The following SDC3 variants were observed in gnomAD, a reference collection of about 807,000 sequenced individuals.
SDC3 encodes the protein syndecan-3.
A neutral mutation model predicts 24.4 loss-of-function variants in SDC3; 13 were observed. That is an observed-to-expected ratio of 0.53 (90% CI 0.35 to 0.85). The LOEUF is 0.85. Ranked by LOEUF, SDC3 falls within the 40% of genes least tolerant of loss-of-function variation. The pLI, the probability that SDC3 is intolerant of heterozygous loss-of-function variation, is 0.01. For synonymous variants in SDC3, 295 were observed against 260.9 expected, an observed-to-expected ratio of 1.13 and a Z score of -1.26; for missense variants, 571 against 584.5, an observed-to-expected ratio of 0.98 and a Z score of 0.24.
intron 1 of SDC3, 49 bp from the exon 2 acceptor site, chr1:30,878,789 C>T (rs755674437): frequency 6.6e-7 from 1 of 1,519,632 alleles, no homozygotes; most frequent in Admixed American, 1.7e-5. Flanking sequence ...AGACTGGCAG[C>T]CTGGGTGAGC....
At chr1:30,899,573 T>C (rs1164210384) in intron 1 of SDC3, among the ~76,000 whole-genome samples, 1 of 152,084 alleles carries the variant, frequency 6.6e-6, no homozygotes, top group Admixed American at 6.5e-5. Context: ...AGTTTCACCA[T>C]CTTGGCCAGG....
At chr1:30,880,045 CAGG>C (rs1639716311) in intron 1 of SDC3, 1 of 152,586 alleles carries the variant, frequency 6.6e-6, no homozygotes. Flanking sequence ...TCACATGGGG[CAGG>C]AGGAGCTGGG....
intron 1 of SDC3, among the ~76,000 whole-genome samples, chr1:30,901,661 C>T (rs1638416227): frequency 6.6e-6 from 1 of 152,090 alleles, no homozygotes; most frequent in African/African-American, 2.4e-5. Flanking sequence ...GTACCCCCAC[C>T]CCCAGAGTTC....
At chr1:30,894,818 G>T (rs1169035383) in intron 1 of SDC3, among the ~76,000 whole-genome samples, 5 of 151,964 alleles carry the variant, frequency 3.3e-5, no homozygotes, top group Admixed American at 6.6e-5. Flanking sequence ...TGTCTGTCTA[G>T]GTGCATCCAT....
In SDC3 at chr1:30,908,730, C is replaced by A. The variant is rs966434983; in HGVS notation, c.-144G>T. On this transcript the variant is annotated 5_prime_UTR_variant, in exon 1 of 5. Transcript: ENST00000339394. ...GCTCGCGGGCTCCCGGCTCGGCCGC[C>A]CGGCTCCGCCTCGCAGCTCCGCGCC... 5.4e-6 allele frequency: 1 copy of A among 184,430 alleles called. No individual in the cohort carries two copies. Among genetic ancestry groups the A allele is most frequent in the South Asian group, 1.7e-4 (1 of 5,742 alleles). 11.4% of individuals were successfully genotyped at this position (184,430 alleles called of 1,614,324 possible).
upstream of SDC3, among the ~76,000 whole-genome samples, chr1:30,909,152 G>A (rs1363149540): frequency 1.3e-5 from 2 of 152,136 alleles, no homozygotes; most frequent in African/African-American, 4.8e-5. Context: ...GTGGCTCCAC[G>A]CACGTGTCTC....
chr1:30,878,545 C>T (rs1639687311), intron 2 of SDC3, 78 bp downstream of exon 2: 5 of 1,191,780 alleles, frequency 4.2e-6, no homozygotes, highest in South Asian at 1.3e-5. Flanking sequence ...AAGCAAGCCC[C>T]CCGTGGGCTT....
chr1:30,878,623 A>T lies in SDC3; in HGVS notation c.256T>A (p.Tyr86Asn). 6.2e-7 allele frequency: 1 copy of T among 1,612,976 alleles called. No homozygotes were observed. The highest frequency in any genetic ancestry group is 8.5e-7 in the Non-Finnish European group (1 of 1,178,876). Residue 86 changes from tyrosine to asparagine, a missense_variant and splice_region_variant, in exon 2 of 5, where the codon TAC becomes AAC. Transcript: ENST00000339394. ...DDLYSGSGSG[Y>N]FEQESGIETA... The stretch of plus-strand genomic sequence containing the variant: ...CAGAGGTAGGGAGGGGGGTACTTAC[A>T]GCCCGAGCCCGACCCCGAGTAGAGG...
At chr1:30,883,270 G>A (rs60597321) in intron 1 of SDC3, among the ~76,000 whole-genome samples, 2 of 152,360 alleles carry the variant, frequency 1.3e-5, no homozygotes, top group East Asian at 3.9e-4. Flanking sequence ...TCAGCAGGCT[G>A]GGGGCCAGGA....
chr1:30,886,924 C>G (rs986590084), intron 1 of SDC3, among the ~76,000 whole-genome samples: 3 of 152,186 alleles, frequency 2.0e-5, no homozygotes, highest in African/African-American at 7.2e-5. Context: ...CTCAAAGTCA[C>G]ACAGCAATGG....
At chr1:30,876,056 T>A (rs1218377405) in intron 3 of SDC3, among the ~76,000 whole-genome samples, 1 of 152,202 alleles carries the variant, frequency 6.6e-6, no homozygotes, top group African/African-American at 2.4e-5. Context: ...CCACTGGCTG[T>A]ACCATCACCA....
intron 1 of SDC3, among the ~76,000 whole-genome samples, chr1:30,905,964 C>CAA (rs2124347772): frequency 6.7e-6 from 1 of 150,054 alleles, no homozygotes; most frequent in South Asian, 2.1e-4. Context: ...CACGAAGACA[C>CAA]ACACACACAC....
chr1:30,894,824 T>C (rs1400459895), intron 1 of SDC3, among the ~76,000 whole-genome samples: 1 of 151,928 alleles, frequency 6.6e-6, no homozygotes, highest in Non-Finnish European at 1.5e-5. Flanking sequence ...TCTAGGTGCA[T>C]CCATGTGTGT....
chr1:30,873,171 C>G lies in SDC3; in HGVS notation c.*40G>C. The stretch of plus-strand genomic sequence containing the variant: ...TGGGGCCAGGCTGGGGACTGGACAG[C>G]AGGGTGGTGTTGAGGCTGCAGGGAG... On this transcript the variant is annotated 3_prime_UTR_variant, in exon 5 of 5. Coordinates refer to ENST00000339394, the MANE Select transcript of SDC3 (RefSeq NM_014654.4). 1.3e-6 allele frequency: 2 copies of G among 1,511,334 alleles called. 1 individual carries two copies. 93.6% of individuals were successfully genotyped at this position (1,511,334 alleles called of 1,614,324 possible). A position where few individuals can be genotyped will look rare whatever the true frequency, so the allele number is the denominator to read the frequency against.
Position 30,874,328 on chromosome 1 carries a change from C to A in SDC3, c.1131G>T (p.Lys377Asn). Residue 377 changes from lysine to asparagine, a missense_variant, in exon 4 of 5, where the codon AAG becomes AAT. This residue lies in a region of SDC3 where 74 missense variants were observed against 112.9 expected (regional missense o/e 0.66). Coordinates refer to ENST00000339394, the MANE Select transcript of SDC3 (RefSeq NM_014654.4). ...GCACCTCCTTCCGCTCCAGGATACT[C>A]TTCTGAGGCAGCTGAGCAGCTGAGC... ...SGSSAAQLPQ[K>N]SILERKEVLV... 6.2e-7 allele frequency: 1 copy of A among 1,613,076 alleles called. No individual in the cohort carries two copies. Among genetic ancestry groups the A allele is most frequent in the Non-Finnish European group, 8.5e-7 (1 of 1,179,906 alleles).
Position 30,876,694 on chromosome 1 carries a change from G to A in SDC3, c.728C>T (p.Ala243Val), listed in dbSNP as rs1282120515. ...TGTGCTGACCAGCCTGGGTGTTGGGGCCTCGGTGTCCAAGACAGCCGCCGT... is the reference window on the plus strand; with the variant it reads ...TGTGCTGACCAGCCTGGGTGTTGGGACCTCGGTGTCCAAGACAGCCGCCGT... ...PTTAAVLDTE[A>V]PTPRLVSTAT... Residue 243 changes from alanine to valine, a missense_variant, in exon 3 of 5, where the codon GCC becomes GTC. Around this residue, in one of 2 missense-constraint regions of SDC3, gnomAD observed 497 missense variants for 471.6 expected, o/e 1.05. Transcript: ENST00000339394. The A allele has an allele frequency of 6.2e-7, 1 of 1,603,112 alleles. No individual in the cohort carries two copies. Among genetic ancestry groups the A allele is most frequent in the East Asian group, 2.2e-5 (1 of 44,766 alleles).
chr1:30,904,647 A>G (rs2124346255), intron 1 of SDC3, among the ~76,000 whole-genome samples: 1 of 152,162 alleles, frequency 6.6e-6, no homozygotes, highest in East Asian at 1.9e-4. Flanking sequence ...ATAGAGTCAC[A>G]GCCCCCAGTA....
chr1:30,903,795 A>G (rs1638461103), intron 1 of SDC3, among the ~76,000 whole-genome samples: 1 of 152,158 alleles, frequency 6.6e-6, no homozygotes. Flanking sequence ...ACACAGCAAG[A>G]GGGGGTAAAT....
At chr1:30,886,125 A>G (rs1006504563) in intron 1 of SDC3, among the ~76,000 whole-genome samples, 78 of 146,154 alleles carry the variant, frequency 5.3e-4, no homozygotes, top group African/African-American at 1.9e-3. Context: ...CCACCCCCAT[A>G]CTCCTCCCAC....
Sources: allele counts gnomAD v4.1 joint callset (sites outside exome capture counted in the v4.1 genomes callset), GRCh38; gene constraint gnomAD v4.1.1; regional missense constraint gnomAD v4.1.1; transcripts MANE v1.5; gene names NCBI Gene and HGNC (gene_info 2026-07-23, HGNC 2026-07-21).